The following DST variants were observed in gnomAD, a reference collection of about 807,000 sequenced individuals.
DST encodes the protein bullous pemphigoid antigen.
DST carries 253 observed loss-of-function variants against 875.2 expected under a neutral mutation model. That is an observed-to-expected ratio of 0.29 (90% confidence interval 0.26 to 0.32). The LOEUF is 0.32. Ranked by LOEUF, DST falls within the 10% of genes least tolerant of loss-of-function variation. The probability of loss-of-function intolerance (pLI) is 1.00; values close to 1 mark genes in which losing one functional copy is unlikely to be tolerated. For synonymous variants in DST, 3,124 were observed against 3,197.1 expected (o/e 0.98, Z 0.77); for missense variants, 8,287 against 9,111.6 (o/e 0.91, Z 3.68).
chr6:56,637,045 C>G (rs1004706458), intron 22 of DST, among the ~76,000 whole-genome samples: 1 of 151,918 alleles, frequency 6.6e-6, no homozygotes, highest in Non-Finnish European at 1.5e-5. Flanking sequence ...ATTGCGCCAT[C>G]GCACTCCAGC....
At chr6:56,931,442 C>A (rs34752771) in intron 2 of DST, among the ~76,000 whole-genome samples, 23,115 of 152,164 alleles carry the variant, frequency 0.15, 1,955 homozygotes, top group Middle Eastern at 0.23. Context: ...GAGGTCAGAG[C>A]CCCCACATAG....
At chr6:56,599,000 C>A (rs548788423) in intron 45 of DST, among the ~76,000 whole-genome samples, 1 of 152,034 alleles carries the variant, frequency 6.6e-6, no homozygotes, top group Non-Finnish European at 1.5e-5. Flanking sequence ...TTTGCACACA[C>A]CAGATTTTTT....
intron 4 of DST, among the ~76,000 whole-genome samples, chr6:56,790,189 A>G (rs1239353867): frequency 6.6e-6 from 1 of 152,152 alleles, no homozygotes; most frequent in Admixed American, 6.6e-5. Flanking sequence ...TCTTGCCAGA[A>G]AGCAAAAAAA....
At chr6:56,713,314 C>T (rs1430606032) in intron 5 of DST, among the ~76,000 whole-genome samples, 1 of 152,188 alleles carries the variant, frequency 6.6e-6, no homozygotes, top group Non-Finnish European at 1.5e-5. Context: ...GTTGTGGCAA[C>T]TACCCTGAAT....
chr6:56,617,263 T>C, intron 36 of DST: 2 of 1,611,246 alleles, frequency 1.2e-6, no homozygotes, highest in Non-Finnish European at 1.7e-6. Flanking sequence ...GGAAGGTCTC[T>C]GGTTCTAAGC....
At chr6:56,890,759 GCA>G (rs780556357) in intron 3 of DST, among the ~76,000 whole-genome samples, 8 of 152,144 alleles carry the variant, frequency 5.3e-5, no homozygotes, top group Non-Finnish European at 1.0e-4. Flanking sequence ...AGCTAAAACT[GCA>G]CAGTCACGCT....
intron 9 of DST, among the ~76,000 whole-genome samples, chr6:56,697,218 C>A (rs1449656982): frequency 6.6e-6 from 1 of 152,132 alleles, no homozygotes; most frequent in African/African-American, 2.4e-5. Flanking sequence ...ACCCTCTATG[C>A]CCTGTGTCCA....
chr6:56,780,110 G>A (rs895057707), intron 4 of DST, among the ~76,000 whole-genome samples: 1 of 151,652 alleles, frequency 6.6e-6, no homozygotes, highest in African/African-American at 2.4e-5. Context: ...CACATATTCT[G>A]AATCCAGTCT....
intron 2 of DST, among the ~76,000 whole-genome samples, chr6:56,913,663 G>T (rs931639814): frequency 2.0e-5 from 3 of 152,198 alleles, no homozygotes; most frequent in African/African-American, 7.2e-5. Context: ...TGAGCACTCT[G>T]TTTCTAACAC....
At chr6:56,461,623 CGTTATTTG>C in intron 102 of DST, 1 of 152,246 alleles carries the variant, frequency 6.6e-6, no homozygotes, top group Non-Finnish European at 1.5e-5. Context: ...TGTTTCATCA[CGTTATTTG>C]AAATGAAACA....
At chr6:56,550,884 A>C (rs2097310311) in intron 61 of DST, among the ~76,000 whole-genome samples, 1 of 152,180 alleles carries the variant, frequency 6.6e-6, no homozygotes, top group African/African-American at 2.4e-5. Flanking sequence ...TTGATGCAGC[A>C]ATTGCCACAG....
chr6:56,604,397 T>C lies in DST; in HGVS notation c.10231A>G (p.Met3411Val), dbSNP rs919519673. 8.1e-6 allele frequency: 13 copies of C among 1,611,376 alleles called. No homozygotes were observed. The highest frequency in any genetic ancestry group is 1.1e-5 in the Non-Finnish European group (13 of 1,178,474). Residue 3411 changes from methionine to valine, a missense_variant, in exon 40 of 104, where the codon ATG becomes GTG. Transcript: ENST00000680361. ...EASTVPSDSQMSDSSGVSPMT... is the reference protein window; with the variant it reads ...EASTVPSDSQVSDSSGVSPMT... ...GGGGAAACTCCAGAAGAGTCACTCA[T>C]TTGAGAGTCGCTGGGCACAGTAGAT... is the stretch of plus-strand genomic sequence containing the variant.
Position 56,482,672 on chromosome 6 carries a change from A to G in DST, c.21402+11T>C, listed in dbSNP as rs767115826. The G allele has an allele frequency of 1.5e-5, 24 of 1,606,386 alleles. 1 individual carries two copies. The South Asian group carries it at 2.3e-4, about 16-fold the overall frequency. ...CCCATTACACCCAGCTCTCATTTAC[A>G]TGGTTTTTACCTGACGCAGGGCTGC... On this transcript the variant is annotated intron_variant, in intron 89 of 103. Coordinates refer to ENST00000680361, the MANE Select transcript of DST (RefSeq NM_001374736.1).
At chr6:56,943,322 C>T (rs537410694) in intron 2 of DST, among the ~76,000 whole-genome samples, 1 of 149,130 alleles carries the variant, frequency 6.7e-6, no homozygotes, top group East Asian at 2.0e-4. Context: ...AATTGAAATA[C>T]AAACATTAAA....
intron 9 of DST, among the ~76,000 whole-genome samples, chr6:56,675,118 T>C (rs1200543297): frequency 6.6e-6 from 1 of 152,178 alleles, no homozygotes; most frequent in African/African-American, 2.4e-5. Context: ...TTATGGTCAA[T>C]TGATATTTGA....
At chr6:56,470,591 A>G (rs1481406880) in intron 95 of DST, among the ~76,000 whole-genome samples, 1 of 152,172 alleles carries the variant, frequency 6.6e-6, no homozygotes, top group African/African-American at 2.4e-5. Context: ...TACCTTAAGA[A>G]TGACATCTAG....
In DST at chr6:56,608,016, A is replaced by G. The variant is rs2098513367; in HGVS notation, c.6612T>C (p.Tyr2204=). Reference sequence around the variant, plus strand: ...CATCCATATAGCTATTTATCATTAAATAAGATAGAAATAATTTTTTAGTTT... The same window carrying G: ...CATCCATATAGCTATTTATCATTAAGTAAGATAGAAATAATTTTTTAGTTT... ...SEETKKLFLS[Y]LMINSYMDAN... is the part of the protein sequence containing the mutation. Residue 2204 remains tyrosine (Y), a synonymous_variant, in exon 40 of 104, where the codon TAT becomes TAC. Coordinates refer to ENST00000680361, the MANE Select transcript of DST (RefSeq NM_001374736.1). The G allele has an allele frequency of 1.2e-6, 2 of 1,612,920 alleles. No homozygotes were observed. The highest frequency in any genetic ancestry group is 1.3e-5 in the African/African-American group (1 of 75,006).
At position 56,561,489 on chromosome 6, in the gene DST, A is replaced by G. The variant is rs2097535072; in HGVS notation, c.14129T>C (p.Leu4710Pro). The G allele has an allele frequency of 6.2e-7, 1 of 1,613,764 alleles. No homozygotes were observed. Among genetic ancestry groups the G allele is most frequent in the Admixed American group, 1.7e-5 (1 of 60,002 alleles). ...DISHGYEDLGLLLKDKIAELN... is the reference protein window; with the variant it reads ...DISHGYEDLGPLLKDKIAELN... ...TTCCGCTATTTTGTCCTTGAGTAAG[A>G]GGCCAAGATCTTCATAACCATGACT... Residue 4710 changes from leucine to proline, a missense_variant, in exon 57 of 104, where the codon CTC becomes CCC. Leu to Pro is a moderately conservative substitution (Grantham distance 98, BLOSUM62 -3). Around this residue, in one of 10 missense-constraint regions of DST, gnomAD observed 1,513 missense variants for 1,677.8 expected, o/e 0.90. Transcript: ENST00000680361.
At chr6:56,810,939 T>C (rs1250702898) in intron 4 of DST, among the ~76,000 whole-genome samples, 1 of 151,804 alleles carries the variant, frequency 6.6e-6, no homozygotes, top group Non-Finnish European at 1.5e-5. Context: ...CCCAGCACTT[T>C]GGGAGGCAGA....
Sources: gnomAD v4.1 joint callset for allele counts (sites outside exome capture counted in the v4.1 genomes callset) on GRCh38, gnomAD v4.1.1 for gene constraint, gnomAD v4.1.1 regional missense constraint, MANE v1.5 for transcripts, NCBI Gene and HGNC (gene_info 2026-07-23, HGNC 2026-07-21) for gene names.